PCDH15: variants seen among roughly 807,000 people sequenced by gnomAD.
The protein encoded by PCDH15 is protocadherin related 15, also known as protocadherin-15.
In PCDH15, 129 loss-of-function variants were observed where a neutral mutation model predicts 178.5. The observed-to-expected ratio is 0.72, with a 90% CI of 0.63 to 0.84. The LOEUF is 0.84. PCDH15 is among the 40% of genes least tolerant of loss of function. PCDH15 has a pLI of 0.00. For synonymous variants in PCDH15, 800 were observed against 732.0 expected (o/e 1.09, Z -1.50); for missense variants, 2,230 against 2,099.9 (o/e 1.06, Z -1.21).
intron 25 of PCDH15, among the ~76,000 whole-genome samples, chr10:53,925,485 G>A (rs547348312): frequency 2.0e-4 from 31 of 152,314 alleles, no homozygotes; most frequent in East Asian, 3.9e-4. Context: ...GCGAGGGTCC[G>A]CGGCTTCATT....
At chr10:54,293,398 T>C (rs181337621) in intron 8 of PCDH15, among the ~76,000 whole-genome samples, 5 of 152,254 alleles carry the variant, frequency 3.3e-5, no homozygotes, top group East Asian at 1.9e-4. Context: ...ATTCAGGACA[T>C]AGGCATAGGC....
intron 1 of PCDH15, among the ~76,000 whole-genome samples, chr10:55,177,587 C>T (rs530891550): frequency 6.6e-6 from 1 of 152,288 alleles, no homozygotes; most frequent in East Asian, 1.9e-4. Context: ...TGGGGAATAA[C>T]TTAACTGTTT....
chr10:54,429,515 T>C (rs1956702040), intron 3 of PCDH15, among the ~76,000 whole-genome samples: 1 of 152,056 alleles, frequency 6.6e-6, no homozygotes, highest in African/African-American at 2.4e-5. Flanking sequence ...ACTAAATGCT[T>C]CAATCATAAG....
intron 2 of PCDH15, among the ~76,000 whole-genome samples, chr10:54,642,152 A>T (rs373063785): frequency 1.3e-5 from 2 of 152,102 alleles, no homozygotes; most frequent in East Asian, 3.9e-4. Flanking sequence ...TTAATGCCTT[A>T]TAAGAGGCCC....
intron 2 of PCDH15, among the ~76,000 whole-genome samples, chr10:55,088,122 T>C (rs1842222238): frequency 1.3e-5 from 2 of 152,142 alleles, no homozygotes; most frequent in Admixed American, 1.3e-4. Context: ...ACTCTTGTGT[T>C]ATCTTGAATT....
intron 1 of PCDH15, among the ~76,000 whole-genome samples, chr10:55,256,399 C>T (rs1456872037): frequency 1.3e-5 from 2 of 152,254 alleles, no homozygotes; most frequent in Non-Finnish European, 2.9e-5. Context: ...GTGCAGCACA[C>T]CGAGCATGAG....
intron 2 of PCDH15, among the ~76,000 whole-genome samples, chr10:55,151,116 G>C (rs1838699758): frequency 6.6e-6 from 1 of 151,988 alleles, no homozygotes; most frequent in Non-Finnish European, 1.5e-5. Context: ...TATTCTTTAA[G>C]AGCAAAAATT....
chr10:55,073,401 T>A (rs1391098877), intron 2 of PCDH15, among the ~76,000 whole-genome samples: 1 of 152,096 alleles, frequency 6.6e-6, no homozygotes, highest in Non-Finnish European at 1.5e-5. Flanking sequence ...TTCAGCAAAG[T>A]CTCAGGATAC....
chr10:54,209,222 G>A (rs1313944705), intron 10 of PCDH15, among the ~76,000 whole-genome samples: 5 of 151,920 alleles, frequency 3.3e-5, no homozygotes, highest in Non-Finnish European at 7.4e-5. Flanking sequence ...TCAGGTAGGG[G>A]GCAAATTGTA....
chr10:54,768,080 T>C (rs1426439246), intron 1 of PCDH15, among the ~76,000 whole-genome samples: 2 of 152,150 alleles, frequency 1.3e-5, no homozygotes, highest in African/African-American at 4.8e-5. Flanking sequence ...CTCCTCTATT[T>C]TTCTGTAAAT....
At chr10:54,069,668 G>A (rs1292091300) in intron 17 of PCDH15, among the ~76,000 whole-genome samples, 1 of 152,086 alleles carries the variant, frequency 6.6e-6, no homozygotes, top group East Asian at 1.9e-4. Context: ...TGAACCTATG[G>A]AAATATTTAT....
intron 2 of PCDH15, among the ~76,000 whole-genome samples, chr10:55,517,373 T>G (rs1321893692): frequency 6.6e-6 from 1 of 152,136 alleles, no homozygotes; most frequent in Non-Finnish European, 1.5e-5. Context: ...TTCTAATATA[T>G]TTAACTTGGA....
intron 2 of PCDH15, among the ~76,000 whole-genome samples, chr10:55,327,156 C>T (rs187685756): frequency 2.6e-5 from 4 of 152,102 alleles, no homozygotes; most frequent in South Asian, 4.1e-4. Flanking sequence ...GCCCCATAAA[C>T]GAGACCCCAG....
At chr10:55,187,683 G>T (rs901415906) in intron 1 of PCDH15, among the ~76,000 whole-genome samples, 15 of 151,878 alleles carry the variant, frequency 9.9e-5, no homozygotes, top group African/African-American at 3.1e-4. Flanking sequence ...TGGTTTAAGT[G>T]ACCTATGAGC....
At chr10:55,172,929 T>C (rs1425654014) in intron 1 of PCDH15, among the ~76,000 whole-genome samples, 1 of 151,960 alleles carries the variant, frequency 6.6e-6, no homozygotes, top group Non-Finnish European at 1.5e-5. Flanking sequence ...CTAAAAGCCT[T>C]TTAAATGCAA....
At chr10:55,186,305 A>C (rs958912428) in intron 1 of PCDH15, among the ~76,000 whole-genome samples, 4 of 151,454 alleles carry the variant, frequency 2.6e-5, no homozygotes, top group African/African-American at 4.8e-5. Flanking sequence ...TTAAAAAAAA[A>C]CTTTTTGCTT....
intron 17 of PCDH15, among the ~76,000 whole-genome samples, chr10:54,073,791 C>T (rs953875250): frequency 6.6e-6 from 1 of 152,136 alleles, no homozygotes; most frequent in African/African-American, 2.4e-5. Context: ...AATAACTTCA[C>T]ATTTTAAATG....
chr10:54,231,675 C>A (rs1426654715), intron 9 of PCDH15, among the ~76,000 whole-genome samples: 1 of 152,206 alleles, frequency 6.6e-6, no homozygotes, highest in Non-Finnish European at 1.5e-5. Context: ...CTGTGCAAAG[C>A]CACAGAGGCA....
At chr10:54,102,339 A>C (rs1368075437) in intron 15 of PCDH15, among the ~76,000 whole-genome samples, 2 of 152,190 alleles carry the variant, frequency 1.3e-5, no homozygotes, top group Non-Finnish European at 2.9e-5. Flanking sequence ...CCTTATGGAC[A>C]GGAATGGAGA....
Sources: allele counts gnomAD v4.1 joint callset (sites outside exome capture counted in the v4.1 genomes callset), GRCh38; gene constraint gnomAD v4.1.1; transcripts MANE v1.5; gene names NCBI Gene and HGNC (gene_info 2026-07-23, HGNC 2026-07-21).